Variants in ARHGEF6 observed in about 807,000 individuals in gnomAD.
ARHGEF6 encodes rho guanine nucleotide exchange factor 6.
Under a neutral mutation model 70.3 loss-of-function variants are expected in ARHGEF6, and 9 were observed. The ratio of observed to expected loss-of-function variants is 0.13; its 90% confidence interval spans 0.08 to 0.22. The LOEUF is 0.22. Ranked by LOEUF, ARHGEF6 falls within the 10% of genes least tolerant of loss-of-function variation. The pLI is 1.00. For synonymous variants in ARHGEF6, 201 were observed against 207.8 expected (o/e 0.97, Z 0.28); for missense variants, 470 against 563.0 (o/e 0.83, Z 1.67).
rs1217602430 is a variant in ARHGEF6 at position 136,667,171 on chromosome X, C to G, written c.*858G>C. 1 of 112,113 alleles carries G rather than the reference C, an allele frequency of 8.9e-6. No homozygotes were observed. Among genetic ancestry groups the G allele is most frequent in the South Asian group, 3.7e-4 (1 of 2,694 alleles). 9.2% of individuals were successfully genotyped at this position (112,113 alleles called of 1,213,427 possible). On this transcript the variant is annotated 3_prime_UTR_variant, in exon 22 of 22. Coordinates refer to ENST00000250617, the MANE Select transcript of ARHGEF6 (RefSeq NM_004840.3). ...CACTTGGTAAGGTTGGCTAAAAGTA[C>G]TGGGGAAATAGAAAACTTACACACT... is the stretch of plus-strand genomic sequence containing the variant.
chrX:136,776,498 A>G (rs967317440), intron 2 of ARHGEF6, among the ~76,000 whole-genome samples: 1 of 111,891 alleles, frequency 8.9e-6, no homozygotes, highest in African/African-American at 3.2e-5. Context: ...ATGTAGGAGA[A>G]TGAACCTGGA....
intron 9 of ARHGEF6, among the ~76,000 whole-genome samples, chrX:136,705,180 G>A (rs2076614091): frequency 9.1e-6 from 1 of 109,811 alleles, no homozygotes; most frequent in Non-Finnish European, 1.9e-5. Flanking sequence ...TCGTGGTGGT[G>A]CGTGCCTGTA....
intron 15 of ARHGEF6, among the ~76,000 whole-genome samples, chrX:136,680,140 C>A (rs2076318915): frequency 1.8e-5 from 2 of 112,572 alleles, no homozygotes; most frequent in Non-Finnish European, 3.8e-5. Context: ...ACACAGTCCT[C>A]AAAACTGGAA....
chrX:136,697,261 G>A (rs773569780), intron 9 of ARHGEF6, among the ~76,000 whole-genome samples: 6 of 111,733 alleles, frequency 5.4e-5, no homozygotes, highest in Non-Finnish European at 7.5e-5. Context: ...CAAAACAAAG[G>A]AGATTTTGGT....
chrX:136,716,432 G>C (rs1348536328), intron 6 of ARHGEF6, among the ~76,000 whole-genome samples: 2 of 111,435 alleles, frequency 1.8e-5, no homozygotes, highest in African/African-American at 6.5e-5. Context: ...AGGGACACAA[G>C]CTCATTAAAA....
chrX:136,711,875 G>A lies in ARHGEF6; in HGVS notation c.827+1401C>T, dbSNP rs375149545. On this transcript the variant is annotated intron_variant, in intron 7 of 21. Coordinates refer to ENST00000250617, the MANE Select transcript of ARHGEF6 (RefSeq NM_004840.3). ...CGTGCCCAGCCAGCCACTGCACCTG[G>A]CCCAAAAAACACTTTGTTGTTGATC... Among the ~76,000 whole-genome samples the A allele has an allele frequency of 8.0e-4, 89 of 111,653 alleles. 1 individual carries two copies. In the South Asian group the frequency reaches 0.031, roughly 39 times the overall value.
chrX:136,676,777 C>T (rs1250784616), intron 17 of ARHGEF6, 60 bp from the exon 18 acceptor site: 1 of 826,677 alleles, frequency 1.2e-6, no homozygotes, highest in East Asian at 3.2e-5. Context: ...AAAGTAAAAG[C>T]ATGAATGAAA....
At chrX:136,713,181 G>A in intron 7 of ARHGEF6, 95 bp downstream of exon 7, 1 of 776,633 alleles carries the variant, frequency 1.3e-6, no homozygotes, top group Admixed American at 2.3e-5. Flanking sequence ...TCTTCTAAAG[G>A]GCAAAATCAA....
chrX:136,764,410 A>G (rs780837251), intron 2 of ARHGEF6, among the ~76,000 whole-genome samples: 20 of 112,326 alleles, frequency 1.8e-4, no homozygotes, highest in Non-Finnish European at 2.6e-4. Context: ...AAAACAAAAC[A>G]TGGTATATCC....
chrX:136,744,273 T>C (rs1464476975), intron 4 of ARHGEF6, among the ~76,000 whole-genome samples: 1 of 112,262 alleles, frequency 8.9e-6, no homozygotes, highest in African/African-American at 3.2e-5. Flanking sequence ...TATGCAAAGA[T>C]CAAATAACCC....
intron 9 of ARHGEF6, among the ~76,000 whole-genome samples, chrX:136,696,963 G>A (rs1472871609): frequency 9.0e-6 from 1 of 111,297 alleles, no homozygotes; most frequent in South Asian, 3.8e-4. Context: ...TGGTAAGTGT[G>A]CCTGAGAGGT....
chrX:136,727,810 A>C, intron 6 of ARHGEF6, among the ~76,000 whole-genome samples: 1 of 111,536 alleles, frequency 9.0e-6, no homozygotes, highest in African/African-American at 3.3e-5. Context: ...CTGGGATTAC[A>C]GGCGTGAGCC....
At chrX:136,668,300 A>G (rs2070928016) in intron 21 of ARHGEF6, 131 bp from the exon 22 acceptor site, 6 of 788,744 alleles carry the variant, frequency 7.6e-6, no homozygotes, top group Non-Finnish European at 1.8e-6. Flanking sequence ...CTCAGCATCT[A>G]TGACAAAGCA....
chrX:136,717,115 G>A (rs2076744415), intron 6 of ARHGEF6, among the ~76,000 whole-genome samples: 1 of 111,757 alleles, frequency 8.9e-6, no homozygotes, highest in Admixed American at 9.5e-5. Context: ...ACAGATCCAG[G>A]AAGCTCAGAG....
At chrX:136,756,296 T>C (rs73565157) in intron 2 of ARHGEF6, among the ~76,000 whole-genome samples, 1,472 of 111,537 alleles carry the variant, frequency 0.013, 34 homozygotes, top group African/African-American at 0.046. Flanking sequence ...TCTACGGTTG[T>C]TAATTTTTTA....
intron 6 of ARHGEF6, among the ~76,000 whole-genome samples, chrX:136,727,325 T>TTCTTTCTTTCTTTC (rs1556284733): frequency 1.6e-5 from 1 of 61,088 alleles, no homozygotes; most frequent in Non-Finnish European, 3.2e-5. Context: ...CTTTCTTTCT[T>TTCTTTCTTTCTTTC]TTTCTTTCTT....
chrX:136,767,540 G>T (rs1313871689), intron 2 of ARHGEF6: 1 of 753,617 alleles, frequency 1.3e-6, no homozygotes, highest in East Asian at 1.5e-4. Flanking sequence ...GCCGCTCGGC[G>T]GGCGGAGGAT....
At chrX:136,726,321 C>T (rs2076852182) in intron 6 of ARHGEF6, among the ~76,000 whole-genome samples, 1 of 111,871 alleles carries the variant, frequency 8.9e-6, no homozygotes, top group South Asian at 3.7e-4. Flanking sequence ...AATAGATTCA[C>T]GAACTCCACA....
At chrX:136,740,059 A>C (rs775848626) in intron 5 of ARHGEF6, among the ~76,000 whole-genome samples, 1 of 110,774 alleles carries the variant, frequency 9.0e-6, no homozygotes, top group East Asian at 2.8e-4. Flanking sequence ...CCCAGGCTGG[A>C]GTGCAGTGGC....
Sources: allele counts gnomAD v4.1 joint callset (sites outside exome capture counted in the v4.1 genomes callset), GRCh38; gene constraint gnomAD v4.1.1; transcripts MANE v1.5; gene names NCBI Gene and HGNC (gene_info 2026-07-23, HGNC 2026-07-21).